Variants in AZGP1 observed in about 807,000 individuals in gnomAD.
AZGP1 encodes alpha-2-glycoprotein 1, zinc-binding.
In AZGP1, 28 loss-of-function variants were observed where a neutral mutation model predicts 31.5. The observed-to-expected ratio is 0.89, with a 90% CI of 0.66 to 1.22. The LOEUF is 1.22. Ranked by LOEUF, AZGP1 falls within the 50% of genes most tolerant of loss-of-function variation. The probability of loss-of-function intolerance (pLI) is 0.00; values close to 1 mark genes in which losing one functional copy is unlikely to be tolerated. For missense variants in AZGP1, 361 were observed against 371.8 expected (o/e 0.97, Z 0.24); for synonymous variants, 135 against 145.4 (o/e 0.93, Z 0.51).
chr7:99,972,676 T>C (rs1789599388), intron 1 of AZGP1, among the ~76,000 whole-genome samples: 1 of 151,952 alleles, frequency 6.6e-6, no homozygotes, highest in Non-Finnish European at 1.5e-5. Context: ...TAGCTGGGCA[T>C]GGTGGTGCGG....
At chr7:99,968,921 C>G (rs1216968878) in intron 2 of AZGP1, among the ~76,000 whole-genome samples, 1 of 120,644 alleles carries the variant, frequency 8.3e-6, no homozygotes, top group African/African-American at 3.2e-5. Flanking sequence ...CAAAATCACA[C>G]TACTGCATTT....
intron 1 of AZGP1, among the ~76,000 whole-genome samples, chr7:99,972,701 T>C (rs1267227279): frequency 1.3e-5 from 2 of 151,982 alleles, no homozygotes; most frequent in African/African-American, 4.8e-5. Context: ...GTAATCCCAG[T>C]CATGCTGGAG....
rs1023913171 is a variant in AZGP1, at chr7:99,967,216, G to A, written c.684C>T (p.Tyr228=). 1.2e-6 allele frequency: 2 copies of A among 1,613,788 alleles called. No individual in the cohort carries two copies. The highest frequency in any genetic ancestry group is 1.1e-5 in the South Asian group (1 of 91,040). Residue 228 remains tyrosine, a synonymous_variant, in exon 4 of 4, where the codon TAC becomes TAT. Coordinates refer to ENST00000292401, the MANE Select transcript of AZGP1 (RefSeq NM_001185.4). ...GEKKKLKCLA[Y]DFYPGKIDVH... ...CATCAATTTTCCCTGGGTAGAAGTC[G>A]TAGGCCAGGCACTTCAGTTTCTTCT...
At chr7:99,972,729 A>T (rs1367555006) in intron 1 of AZGP1, among the ~76,000 whole-genome samples, 1 of 151,864 alleles carries the variant, frequency 6.6e-6, no homozygotes, top group Non-Finnish European at 1.5e-5. Context: ...CAGGAAAATC[A>T]CTTGAACCAG....
intron 2 of AZGP1, among the ~76,000 whole-genome samples, chr7:99,969,345 G>A (rs1281338516): frequency 6.6e-6 from 1 of 150,984 alleles, no homozygotes; most frequent in African/African-American, 2.4e-5. Context: ...GGGGACAGAA[G>A]TTGTAGTGAG....
At chr7:99,975,764 G>A (rs897632104) in intron 1 of AZGP1, among the ~76,000 whole-genome samples, 181 bp downstream of exon 1, 3 of 152,136 alleles carry the variant, frequency 2.0e-5, no homozygotes, top group South Asian at 4.1e-4. Context: ...TCGGGCCAGC[G>A]CAGAGGCTCC....
At chr7:99,975,635 C>T (rs1789648497) in intron 1 of AZGP1, among the ~76,000 whole-genome samples, 1 of 152,158 alleles carries the variant, frequency 6.6e-6, no homozygotes, top group Non-Finnish European at 1.5e-5. Context: ...GAAGCAGCTC[C>T]AGGCATATGG....
rs1435947144 is a variant in AZGP1, at chr7:99,968,244, AC to A, written c.523del (p.Val175CysfsTer20). 1 of 1,613,888 alleles carries A rather than the reference AC, an allele frequency of 6.2e-7. No individual in the cohort carries two copies. Among genetic ancestry groups the A allele is most frequent in the Admixed American group, 1.7e-5 (1 of 59,974 alleles). On this transcript the variant is annotated frameshift_variant, in exon 3 of 4. Coordinates refer to ENST00000292401, the MANE Select transcript of AZGP1 (RefSeq NM_001185.4). LOFTEE classifies it high-confidence loss of function. ...CTCCAGGTAAGCCTTGGCCCGCTGC[AC>A]GTAGACTGGTTCTGCCTCCCACTTC... ...KQKWEAEPVY[V>X]QRAKAYLEEE... is the part of the protein sequence containing the mutation.
chr7:99,972,680 G>A (rs1228835623), intron 1 of AZGP1, among the ~76,000 whole-genome samples: 1 of 152,182 alleles, frequency 6.6e-6, no homozygotes, highest in Admixed American at 6.5e-5. Context: ...TGGGCATGGT[G>A]GTGCGGGCCT....
chr7:99,971,909 G>T lies in AZGP1; in HGVS notation c.174C>A (p.Phe58Leu), dbSNP rs371816790. ...TCCTGTCTTTACTGTTGTATCTAAA[G>T]AACTGGAGGTCATTGAGTGAGCCAA... ...QALGSLNDLQ[F>L]FRYNSKDRKS... Residue 58 changes from phenylalanine (F) to leucine (L), a missense_variant, in exon 2 of 4, where the codon TTC becomes TTA. Transcript: ENST00000292401. 1.2e-6 allele frequency: 2 copies of T among 1,614,014 alleles called. No homozygotes were observed. The highest frequency in any genetic ancestry group is 4.5e-5 in the East Asian group (2 of 44,898).
chr7:99,972,282 G>A (rs1789592385), intron 1 of AZGP1, among the ~76,000 whole-genome samples: 1 of 152,160 alleles, frequency 6.6e-6, no homozygotes, highest in Non-Finnish European at 1.5e-5. Context: ...GATATATTGG[G>A]ACCATGTGAC....
chr7:99,973,284 T>C (rs1449617333), intron 1 of AZGP1, among the ~76,000 whole-genome samples: 1 of 152,178 alleles, frequency 6.6e-6, no homozygotes, highest in Non-Finnish European at 1.5e-5. Flanking sequence ...TGCATTTTGG[T>C]ACAAGGTGGG....
At chr7:99,968,992 C>CAAAAAAAAAAAAAAA (rs1554345042) in intron 2 of AZGP1, among the ~76,000 whole-genome samples, 1 of 20,744 alleles carries the variant, frequency 4.8e-5, no homozygotes, top group African/African-American at 2.0e-4. Flanking sequence ...AAAAAAAAAG[C>CAAAAAAAAAAAAAAA]ACCAGGCCCA....
chr7:99,968,323 T>C lies in AZGP1; in HGVS notation c.445A>G (p.Lys149Glu), dbSNP rs750764861. The C allele has an allele frequency of 1.2e-6, 2 of 1,613,742 alleles. No homozygotes were observed. The highest frequency in any genetic ancestry group is 1.7e-6 in the Non-Finnish European group (2 of 1,179,968). Reference sequence around the variant, plus strand: ...AAGGGGACCCAGGCTGGGATTTCTTTGTTGAATTCAATGTAGTCCTTTCCA... The same window carrying C: ...AAGGGGACCCAGGCTGGGATTTCTTCGTTGAATTCAATGTAGTCCTTTCCA... ...YDGKDYIEFN[K>E]EIPAWVPFDP... Residue 149 changes from lysine (K) to glutamate (E), a missense_variant, in exon 3 of 4, where the codon AAA (lysine) becomes GAA (glutamate). By Grantham distance (56) the Lys-to-Glu change is moderately conservative. Coordinates refer to ENST00000292401, the MANE Select transcript of AZGP1 (RefSeq NM_001185.4).
chr7:99,969,977 G>T (rs1789552529), intron 2 of AZGP1, among the ~76,000 whole-genome samples: 1 of 152,156 alleles, frequency 6.6e-6, no homozygotes, highest in African/African-American at 2.4e-5. Context: ...ACCCAGCACT[G>T]GTTGGTGCTG....
At chr7:99,974,102 A>G (rs1251588754) in intron 1 of AZGP1, among the ~76,000 whole-genome samples, 1 of 151,876 alleles carries the variant, frequency 6.6e-6, no homozygotes, top group African/African-American at 2.4e-5. Flanking sequence ...GTGAAACCCT[A>G]TCTCTATTAA....
At chr7:99,970,864 G>A (rs1789565615) in intron 2 of AZGP1, among the ~76,000 whole-genome samples, 1 of 152,180 alleles carries the variant, frequency 6.6e-6, no homozygotes, top group Non-Finnish European at 1.5e-5. Context: ...AACACCAGCA[G>A]TTCACCAGAC....
At chr7:99,970,081 G>T (rs1789554357) in intron 2 of AZGP1, among the ~76,000 whole-genome samples, 1 of 151,326 alleles carries the variant, frequency 6.6e-6, no homozygotes, top group South Asian at 2.1e-4. Context: ...TGCCTGAACT[G>T]GAGCCACTCA....
intron 2 of AZGP1, among the ~76,000 whole-genome samples, chr7:99,968,982 A>AAAAAAAAG (rs1789538239): frequency 1.4e-5 from 2 of 147,506 alleles, no homozygotes; most frequent in Non-Finnish European, 3.0e-5. Context: ...AAAAAAAAAA[A>AAAAAAAAG]AAAAAAAAGC....
Sources: allele counts gnomAD v4.1 joint callset (sites outside exome capture counted in the v4.1 genomes callset), GRCh38; gene constraint gnomAD v4.1.1; transcripts MANE v1.5; gene names NCBI Gene and HGNC (gene_info 2026-07-23, HGNC 2026-07-21).